The following LMTK2 variants were observed in gnomAD, a reference collection of about 807,000 sequenced individuals.
LMTK2 encodes lemur tail kinase 2.
LMTK2 carries 37 observed loss-of-function variants against 127.5 expected under a neutral mutation model. The ratio of observed to expected loss-of-function variants is 0.29; its 90% CI spans 0.22 to 0.38. The LOEUF (loss-of-function observed/expected upper bound fraction) is 0.38, where lower values mean the gene tolerates loss of function less well. Ranked by LOEUF, LMTK2 falls within the 10% of genes least tolerant of loss-of-function variation. LMTK2 has a pLI of 1.00. For synonymous variants in LMTK2, 819 were observed against 810.1 expected, an observed-to-expected ratio of 1.01 and a Z score of -0.19; for missense variants, 1,694 against 1,920.3, an observed-to-expected ratio of 0.88 and a Z score of 2.20.
intron 7 of LMTK2, among the ~76,000 whole-genome samples, chr7:98,173,863 T>C (rs1311322078): frequency 1.3e-5 from 2 of 152,178 alleles, no homozygotes; most frequent in African/African-American, 4.8e-5. Flanking sequence ...GAGACTGTCC[T>C]GGCTAACACG....
chr7:98,191,007 G>A, intron 10 of LMTK2, 130 bp downstream of exon 10: 1 of 883,452 alleles, frequency 1.1e-6, no homozygotes, highest in Non-Finnish European at 1.8e-6. Flanking sequence ...ACCATGAGCT[G>A]AACTACTTAA....
chr7:98,159,402 C>T lies in LMTK2; in HGVS notation c.634C>T (p.Leu212=), dbSNP rs759713734. ...GQCVEAIPYL[L]VFEFCDLGDL... ...GTGCGTAGAAGCGATTCCCTACCTC[C>T]TGGTGTTTGAGTTCTGTGACTTGGT... Residue 212 remains leucine, a synonymous_variant, in exon 6 of 14, where the codon CTG becomes TTG. Transcript: ENST00000297293. 1.4e-5 allele frequency: 22 copies of T among 1,611,054 alleles called. 1 individual carries two copies. The South Asian group carries it at 2.2e-4, about 16-fold the overall frequency.
chr7:98,147,134 A>G (rs1218245752), intron 3 of LMTK2, among the ~76,000 whole-genome samples: 1 of 152,032 alleles, frequency 6.6e-6, no homozygotes, highest in Non-Finnish European at 1.5e-5. Context: ...TCCCTTGTAC[A>G]TGATGAATTG....
At position 98,171,631 on chromosome 7, in the gene LMTK2, G is replaced by A. The variant is rs373097292; in HGVS notation, c.748G>A (p.Ala250Thr). 1.9e-5 allele frequency: 30 copies of A among 1,607,880 alleles called. No individual in the cohort carries two copies. Among genetic ancestry groups the A allele is most frequent in the South Asian group, 3.3e-5 (3 of 90,472 alleles). Reference protein sequence around the residue: ...MLLQRMACEVAAGLAAMHKLH... With the variant: ...MLLQRMACEVTAGLAAMHKLH... ...GCTGCAGAGGATGGCGTGCGAGGTC[G>A]CCGCGGGGCTGGCCGCCATGCACAA... Residue 250 changes from alanine to threonine, a missense_variant, in exon 7 of 14, where the codon GCC becomes ACC. Physicochemically the swap from Ala to Thr is moderately conservative, Grantham distance 58 (BLOSUM62 0). Coordinates refer to ENST00000297293, the MANE Select transcript of LMTK2 (RefSeq NM_014916.4). The surrounding 1 kb of genome is among the most constrained non-coding windows in gnomAD (Gnocchi z 5.1).
intron 1 of LMTK2, among the ~76,000 whole-genome samples, chr7:98,114,237 A>T (rs374299532): frequency 1.1e-3 from 158 of 148,340 alleles, no homozygotes; most frequent in Non-Finnish European, 1.6e-3. Flanking sequence ...GTGTTTTTTT[A>T]AAGTTTTTTT....
At position 98,171,455 on chromosome 7, in the gene LMTK2, C is replaced by T; in HGVS notation, c.658-86C>T. ...AGAAGTTTCTAATAAATAATCTTAA[C>T]AGTTAGTGTTCACCGAGGCACGTAT... On this transcript the variant is annotated intron_variant, in intron 6 of 13. Transcript: ENST00000297293. The surrounding 1 kb of genome is among the most constrained non-coding windows in gnomAD (Gnocchi z 5.1). 1 of 1,526,824 alleles carries T rather than the reference C, an allele frequency of 6.5e-7. No homozygotes were observed. Among genetic ancestry groups the T allele is most frequent in the South Asian group, 1.1e-5 (1 of 89,296 alleles). 94.6% of individuals were successfully genotyped at this position (1,526,824 alleles called of 1,614,324 possible).
intron 7 of LMTK2, among the ~76,000 whole-genome samples, chr7:98,180,928 C>A (rs1047217449): frequency 4.6e-5 from 7 of 152,034 alleles, no homozygotes; most frequent in South Asian, 2.1e-4. Flanking sequence ...CGTGAGCGCC[C>A]GGCAGACTGA....
At chr7:98,162,943 A>G (rs1284992260) in intron 6 of LMTK2, among the ~76,000 whole-genome samples, 1 of 152,178 alleles carries the variant, frequency 6.6e-6, no homozygotes, top group Non-Finnish European at 1.5e-5. Context: ...GCAATGGAGG[A>G]TTGTTAAAAG....
chr7:98,107,278 C>G lies in LMTK2; in HGVS notation c.101C>G (p.Ala34Gly). The G allele has an allele frequency of 7.2e-7, 1 of 1,381,934 alleles. No homozygotes were observed. Among genetic ancestry groups the G allele is most frequent in the Non-Finnish European group, 9.3e-7 (1 of 1,071,642 alleles). The allele number at this position is 1,381,934 out of a possible 1,614,324, so 85.6% of individuals were successfully genotyped here. A position where few individuals can be genotyped will look rare whatever the true frequency, so the allele number is the denominator to read the frequency against. The change falls in exon 1 of 14, where the codon GCA becomes GGA. Residue 34 changes from alanine to glycine, a missense_variant and splice_region_variant. Ala to Gly is a moderately conservative substitution (Grantham distance 60). Coordinates refer to ENST00000297293, the MANE Select transcript of LMTK2 (RefSeq NM_014916.4). ...AGAAPLPQTG[A>G]GEAPPAAEVS... Reference sequence around the variant, plus strand: ...GCCGCGCCACTTCCGCAAACAGGTGCAGGTGAGCGGGCCCGCGGCGGGGAC... The same window carrying G: ...GCCGCGCCACTTCCGCAAACAGGTGGAGGTGAGCGGGCCCGCGGCGGGGAC...
intron 11 of LMTK2, among the ~76,000 whole-genome samples, chr7:98,196,276 T>C (rs1426386267): frequency 6.6e-6 from 1 of 152,012 alleles, no homozygotes; most frequent in Non-Finnish European, 1.5e-5. Context: ...TCTTTCTCTT[T>C]TCATTCCCCA....
intron 7 of LMTK2, among the ~76,000 whole-genome samples, chr7:98,174,576 G>A (rs1033451659): frequency 3.3e-5 from 5 of 152,208 alleles, no homozygotes; most frequent in Admixed American, 6.5e-5. Flanking sequence ...CCACCAGGTC[G>A]CTGTGATGAG....
intron 6 of LMTK2, among the ~76,000 whole-genome samples, chr7:98,169,971 C>T (rs1277793914): frequency 4.6e-5 from 7 of 152,236 alleles, no homozygotes; most frequent in African/African-American, 1.7e-4. Context: ...TCACATGACG[C>T]TTGGGAGACC....
intron 11 of LMTK2, among the ~76,000 whole-genome samples, chr7:98,198,036 T>G (rs1797653704): frequency 6.6e-6 from 1 of 152,236 alleles, no homozygotes; most frequent in African/African-American, 2.4e-5. Flanking sequence ...TGTAGATTTG[T>G]TGATCTTTCC....
At chr7:98,199,635 C>T (rs144906497) in intron 11 of LMTK2, among the ~76,000 whole-genome samples, 11 of 152,292 alleles carry the variant, frequency 7.2e-5, no homozygotes, top group East Asian at 5.8e-4. Context: ...ACTGGGACTA[C>T]GGGTGCACAC....
At chr7:98,118,331 A>G (rs992687791) in intron 1 of LMTK2, among the ~76,000 whole-genome samples, 3 of 152,208 alleles carry the variant, frequency 2.0e-5, no homozygotes, top group Non-Finnish European at 4.4e-5. Context: ...GAGAATATGA[A>G]CGAAACCTCT....
rs142026450 is a variant in LMTK2, at chr7:98,127,223, A to G, written c.104-10092A>G. On this transcript the variant is annotated intron_variant, in intron 1 of 13. Coordinates refer to ENST00000297293, the MANE Select transcript of LMTK2 (RefSeq NM_014916.4). Reference sequence around the variant, plus strand: ...ATAATTGTTCAGATTTTTTTCCCCAAGTAGTGTGATGATGATTCATTTTAT... The same window carrying G: ...ATAATTGTTCAGATTTTTTTCCCCAGGTAGTGTGATGATGATTCATTTTAT... Among the ~76,000 whole-genome samples the G allele has an allele frequency of 1.1e-4, 17 of 152,260 alleles. No individual in the cohort carries two copies. The East Asian group carries it at 3.1e-3, about 28-fold the overall frequency.
intron 3 of LMTK2, among the ~76,000 whole-genome samples, chr7:98,148,338 A>G (rs534519446): frequency 2.8e-4 from 42 of 147,910 alleles, no homozygotes; most frequent in African/African-American, 1.0e-3. Flanking sequence ...AAAAATACAA[A>G]AAAAGTTAGC....
At chr7:98,138,721 C>G (rs1276750111) in intron 2 of LMTK2, among the ~76,000 whole-genome samples, 1 of 152,178 alleles carries the variant, frequency 6.6e-6, no homozygotes, top group African/African-American at 2.4e-5. Flanking sequence ...AAAGCCTGAT[C>G]AGTGTTGCTG....
chr7:98,118,562 C>T (rs748884970), intron 1 of LMTK2, among the ~76,000 whole-genome samples: 4 of 152,022 alleles, frequency 2.6e-5, no homozygotes, highest in Non-Finnish European at 5.9e-5. Context: ...TTCAAACATA[C>T]AGAAAAATAG....
Sources: gnomAD v4.1 joint callset for allele counts (sites outside exome capture counted in the v4.1 genomes callset) on GRCh38, gnomAD v4.1.1 for gene constraint, Gnocchi (gnomAD v3.1) non-coding constraint, MANE v1.5 for transcripts, NCBI Gene and HGNC (gene_info 2026-07-23, HGNC 2026-07-21) for gene names.